WNK2: variants seen among roughly 807,000 people sequenced by gnomAD.
WNK2 encodes the protein WNK lysine deficient protein kinase 2, also known as serine/threonine-protein kinase WNK2.
In WNK2, 67 loss-of-function variants were observed where a neutral mutation model predicts 192.1. That is an observed-to-expected ratio of 0.35 (90% CI 0.29 to 0.43). The LOEUF (loss-of-function observed/expected upper bound fraction) is 0.43. WNK2 is among the 20% of genes least tolerant of loss of function. The pLI is 1.00. For synonymous variants in WNK2, 1,439 were observed against 1,393.9 expected (o/e 1.03, Z -0.72); for missense variants, 2,698 against 3,089.7 (o/e 0.87, Z 3.01).
intron 5 of WNK2, among the ~76,000 whole-genome samples, chr9:93,236,904 G>A (rs1057119783): frequency 6.6e-6 from 1 of 152,272 alleles, no homozygotes; most frequent in Non-Finnish European, 1.5e-5. Context: ...AGGGGCCCTC[G>A]TGGCCCTACT....
chr9:93,189,931 CGG>C (rs1830028324), intron 2 of WNK2, among the ~76,000 whole-genome samples: 1 of 152,184 alleles, frequency 6.6e-6, no homozygotes, highest in Admixed American at 6.5e-5. Flanking sequence ...GAGCCAGTGC[CGG>C]GCACAGAGGA....
intron 26 of WNK2, among the ~76,000 whole-genome samples, chr9:93,302,923 C>CT (rs2134143835): frequency 1.3e-5 from 1 of 77,308 alleles, no homozygotes; most frequent in East Asian, 6.4e-4. Context: ...AGAGCAGTCT[C>CT]CCTTTTTTTT....
intron 2 of WNK2, among the ~76,000 whole-genome samples, chr9:93,222,431 A>G (rs1837076492): frequency 6.6e-6 from 1 of 152,188 alleles, no homozygotes; most frequent in Non-Finnish European, 1.5e-5. Flanking sequence ...AGAGAATTGT[A>G]AACTTCTTGG....
rs1564110718 is a variant in WNK2 at position 93,259,635 on chromosome 9, G to A, written c.3066+21G>A. On this transcript the variant is annotated intron_variant, in intron 12 of 29. Coordinates refer to ENST00000427277, the MANE Select transcript of WNK2 (RefSeq NM_006648.4). The surrounding 1 kb of genome is among the most constrained non-coding windows in gnomAD (Gnocchi z 4.8). ...GCCAGGTAATCACCTGCTGGGCAGGGGCTCACCCTCCCAGCGTCTGGGGAC... is the reference window on the plus strand; with the variant it reads ...GCCAGGTAATCACCTGCTGGGCAGGAGCTCACCCTCCCAGCGTCTGGGGAC... The A allele has an allele frequency of 6.5e-7, 1 of 1,537,002 alleles. No homozygotes were observed. Among genetic ancestry groups the A allele is most frequent in the Non-Finnish European group, 8.7e-7 (1 of 1,152,052 alleles).
At chr9:93,267,496 G>A (rs1383035183) in intron 16 of WNK2, among the ~76,000 whole-genome samples, 1 of 152,248 alleles carries the variant, frequency 6.6e-6, no homozygotes, top group Non-Finnish European at 1.5e-5. Context: ...TCCAGCTGGG[G>A]CAGGGCATTG....
Position 93,185,000 on chromosome 9 carries a change from C to T in WNK2, c.71C>T (p.Ala24Val). Residue 24 changes from alanine to valine, a missense_variant, in exon 2 of 30, where the codon GCG (alanine) becomes GTG (valine). Transcript: ENST00000427277. Reference sequence around the variant, plus strand: ...GAGCCCGGGCGCGGCGCGGGGCCCGCGGGCATGGCGGAGCCTCGGGCGAAG... The same window carrying T: ...GAGCCCGGGCGCGGCGCGGGGCCCGTGGGCATGGCGGAGCCTCGGGCGAAG... ...LMEPGRGAGPAGMAEPRAKAA... is the reference protein window; with the variant it reads ...LMEPGRGAGPVGMAEPRAKAA... 1.6e-6 allele frequency: 2 copies of T among 1,243,852 alleles called. No individual in the cohort carries two copies. Among genetic ancestry groups the T allele is most frequent in the Non-Finnish European group, 2.0e-6 (2 of 998,930 alleles). The allele number at this position is 1,243,852 out of a possible 1,614,324, so 77.1% of individuals were successfully genotyped here. A position where few individuals can be genotyped will look rare whatever the true frequency, so the allele number is the denominator to read the frequency against.
intron 2 of WNK2, among the ~76,000 whole-genome samples, chr9:93,201,533 C>G (rs1042977221): frequency 2.0e-5 from 3 of 152,216 alleles, no homozygotes; most frequent in African/African-American, 7.2e-5. Flanking sequence ...CTGGCCTGGC[C>G]TATTGCTAGC....
intron 29 of WNK2, chr9:93,318,278 C>A (rs1588681433): frequency 6.6e-7 from 1 of 1,509,264 alleles, no homozygotes; most frequent in Non-Finnish European, 8.8e-7. Context: ...GAAGTTCAAT[C>A]TTTGGTTTTC....
At chr9:93,193,012 G>A (rs530356644) in intron 2 of WNK2, among the ~76,000 whole-genome samples, 5 of 152,334 alleles carry the variant, frequency 3.3e-5, no homozygotes, top group South Asian at 4.1e-4. Flanking sequence ...AGGTCACCTC[G>A]TTGATGGAGA....
chr9:93,318,617 A>G (rs1855141298), intron 29 of WNK2: 15 of 1,594,334 alleles, frequency 9.4e-6, no homozygotes, highest in South Asian at 2.2e-5. Context: ...TGTGGAGACA[A>G]GTGCAGCTCC....
At chr9:93,290,814 C>A (rs949760605) in intron 21 of WNK2, among the ~76,000 whole-genome samples, 3 of 152,232 alleles carry the variant, frequency 2.0e-5, no homozygotes, top group African/African-American at 7.2e-5. Flanking sequence ...GCCACTGCGT[C>A]TCTGTGGAAA....
chr9:93,298,259 C>T (rs1405689774), intron 24 of WNK2, among the ~76,000 whole-genome samples, 192 bp downstream of exon 24: 2 of 152,238 alleles, frequency 1.3e-5, no homozygotes, highest in African/African-American at 2.4e-5. Context: ...CCTCCGTCCT[C>T]ATGCAGAGAG....
At position 93,317,639 on chromosome 9, in the gene WNK2, C is replaced by T. The variant is rs1214084090; in HGVS notation, c.6628+8C>T. ...TGTCCGTGCCCACACCAGGTACTGC[C>T]CTCTCCAACCTCCCAACCCCACCCT... On this transcript the variant is annotated splice_region_variant and intron_variant, in intron 29 of 29. Transcript: ENST00000427277. 1.2e-6 allele frequency: 2 copies of T among 1,611,416 alleles called. No homozygotes were observed. The highest frequency in any genetic ancestry group is 1.7e-5 in the Admixed American group (1 of 59,886).
chr9:93,318,114 A>G (rs769229202), intron 29 of WNK2: 98 of 1,559,538 alleles, frequency 6.3e-5, no homozygotes, highest in Non-Finnish European at 8.0e-5. Flanking sequence ...GCAGAAGTAC[A>G]GTGCCTTGAA....
At position 93,263,568 on chromosome 9, in the gene WNK2, A is replaced by T; in HGVS notation, c.3413A>T (p.Tyr1138Phe). 1.2e-6 allele frequency: 2 copies of T among 1,611,062 alleles called. No individual in the cohort carries two copies. The highest frequency in any genetic ancestry group is 1.7e-6 in the Non-Finnish European group (2 of 1,179,054). The change falls in exon 15 of 30, where the codon TAT (tyrosine) becomes TTT (phenylalanine). Residue 1138 changes from tyrosine (Y) to phenylalanine (F), a missense_variant and splice_region_variant. By Grantham distance (22) the Tyr-to-Phe change is conservative. Coordinates refer to ENST00000427277, the MANE Select transcript of WNK2 (RefSeq NM_006648.4). ...PPGLPQSCES[Y>F]GGSDVTSGKE... is the part of the protein sequence containing the mutation. ...TAATGTTCTTGGGTTTTGCTCAGCT[A>T]TGGAGGTTCTGATGTCACTTCTGGA...
chr9:93,211,718 C>A (rs936894335), intron 2 of WNK2, among the ~76,000 whole-genome samples: 1 of 152,076 alleles, frequency 6.6e-6, no homozygotes, highest in Non-Finnish European at 1.5e-5. Context: ...CATTCATCTA[C>A]TCATTCACTT....
chr9:93,300,592 C>T (rs908761892), intron 26 of WNK2, among the ~76,000 whole-genome samples: 4 of 152,194 alleles, frequency 2.6e-5, no homozygotes, highest in Admixed American at 2.0e-4. Flanking sequence ...CAACCCCAAC[C>T]TCCTCCAGAT....
At chr9:93,191,467 T>C (rs527386285) in intron 2 of WNK2, among the ~76,000 whole-genome samples, 1 of 151,748 alleles carries the variant, frequency 6.6e-6, no homozygotes, top group South Asian at 2.1e-4. Flanking sequence ...GACCTGGAAA[T>C]GTATTGGGCA....
intron 2 of WNK2, among the ~76,000 whole-genome samples, chr9:93,192,044 G>C (rs1052268433): frequency 2.0e-5 from 3 of 151,002 alleles, no homozygotes; most frequent in Non-Finnish European, 4.4e-5. Context: ...GGCCAGGCGT[G>C]GTGGCTCATG....
Sources: gnomAD v4.1 joint callset for allele counts (sites outside exome capture counted in the v4.1 genomes callset) on GRCh38, gnomAD v4.1.1 for gene constraint, Gnocchi (gnomAD v3.1) non-coding constraint, MANE v1.5 for transcripts, NCBI Gene and HGNC (gene_info 2026-07-23, HGNC 2026-07-21) for gene names.